RIPK1: variants seen among roughly 807,000 people sequenced by gnomAD.
The protein encoded by RIPK1 is receptor interacting serine/threonine kinase 1, also known as receptor-interacting serine/threonine-protein kinase 1.
RIPK1 carries 27 observed loss-of-function variants against 62.4 expected under a neutral mutation model. The ratio of observed to expected loss-of-function variants is 0.43; its 90% CI spans 0.32 to 0.60. The LOEUF is 0.60. RIPK1 is among the 20% of genes least tolerant of loss of function. The pLI, the probability that RIPK1 is intolerant of heterozygous loss-of-function variation, is 0.07. For missense variants in RIPK1, 735 were observed against 831.0 expected (o/e 0.88, Z 1.42); for synonymous variants, 287 against 303.2 (o/e 0.95, Z 0.55).
At chr6:3,111,298 T>C (rs1761143932) in intron 10 of RIPK1, among the ~76,000 whole-genome samples, 1 of 152,132 alleles carries the variant, frequency 6.6e-6, no homozygotes, top group African/African-American at 2.4e-5. Context: ...CCAGAAGAAA[T>C]AGCTGTGTCA....
Position 3,113,434 on chromosome 6 carries a change from C to A in RIPK1, c.*95C>A. The A allele has an allele frequency of 8.4e-7, 1 of 1,185,678 alleles. No individual in the cohort carries two copies. 73.4% of individuals were successfully genotyped at this position (1,185,678 alleles called of 1,614,324 possible). On this transcript the variant is annotated 3_prime_UTR_variant, in exon 11 of 11. Transcript: ENST00000259808. This position sits in a 1 kb window ranked among gnomAD's most constrained non-coding sequence, Gnocchi z 5.0. ...CAGAGCATTCAGAATTCTGTCCTCACTGATAGGGGTTCTGTGTCTGCAGAA... is the reference window on the plus strand; with the variant it reads ...CAGAGCATTCAGAATTCTGTCCTCAATGATAGGGGTTCTGTGTCTGCAGAA...
rs1354403336 is a variant in RIPK1, at chr6:3,107,246, T to C, written c.1576+1195T>C. On this transcript the variant is annotated intron_variant, in intron 9 of 10. Transcript: ENST00000259808. ...CAGCCTGGGCAACAGAGTGAGATTG[T>C]GTCTCGAAAAAAAAAAAAAAATTCC... Among the ~76,000 whole-genome samples, 4 of 141,194 alleles carry C rather than the reference T, an allele frequency of 2.8e-5. No homozygotes were observed. The Admixed American group carries it at 2.8e-4, about 10-fold the overall frequency. 92.6% of individuals were successfully genotyped at this position (141,194 alleles called of 152,430 possible). A position where few individuals can be genotyped will look rare whatever the true frequency, so the allele number is the denominator to read the frequency against.
intron 6 of RIPK1, among the ~76,000 whole-genome samples, chr6:3,087,836 C>T (rs1331894642): frequency 1.3e-5 from 2 of 152,138 alleles, no homozygotes; most frequent in Admixed American, 6.5e-5. Context: ...CTGTGTCCGG[C>T]CTACCGAGCT....
chr6:3,064,289 C>T (rs12196777), upstream of RIPK1, among the ~76,000 whole-genome samples: 62,233 of 151,988 alleles, frequency 0.41, 15,846 homozygotes, highest in Non-Finnish European at 0.57. Flanking sequence ...GCCGCCCTCC[C>T]CGGCGCCTCC....
intron 8 of RIPK1, among the ~76,000 whole-genome samples, chr6:3,104,832 T>C (rs937911419): frequency 2.0e-5 from 3 of 152,146 alleles, no homozygotes; most frequent in Admixed American, 6.5e-5. Flanking sequence ...AAAGAATTCA[T>C]GGGACATGCT....
chr6:3,087,820 G>A (rs1282694406), intron 6 of RIPK1, among the ~76,000 whole-genome samples: 3 of 152,256 alleles, frequency 2.0e-5, no homozygotes, highest in Non-Finnish European at 4.4e-5. Flanking sequence ...TTACAGGTGT[G>A]AGCCACTGTG....
At chr6:3,111,576 C>G (rs1339773568) in intron 10 of RIPK1, among the ~76,000 whole-genome samples, 1 of 150,230 alleles carries the variant, frequency 6.7e-6, no homozygotes, top group East Asian at 2.0e-4. Context: ...TTTGAGGTCT[C>G]TTGGAACTAC....
At chr6:3,071,602 T>G (rs182494012) in intron 1 of RIPK1, among the ~76,000 whole-genome samples, 5 of 152,324 alleles carry the variant, frequency 3.3e-5, no homozygotes, top group African/African-American at 1.2e-4. Context: ...CTTCCTAAGA[T>G]ATTCAGTGCT....
intron 6 of RIPK1, among the ~76,000 whole-genome samples, chr6:3,087,802 G>A (rs1241504636): frequency 5.1e-5 from 2 of 39,072 alleles, no homozygotes; most frequent in Non-Finnish European, 3.6e-4. Context: ...GCCTCCCAAA[G>A]TGTGGGATTA....
chr6:3,113,267 G>T lies in RIPK1; in HGVS notation c.1944G>T (p.Lys648Asn). The T allele has an allele frequency of 6.2e-7, 1 of 1,614,084 alleles. No homozygotes were observed. The highest frequency in any genetic ancestry group is 8.5e-7 in the Non-Finnish European group (1 of 1,179,998). ...GCATAAAGGGAGCCACGGTGGGGAA[G>T]CTGGCCCAGGCGCTCCACCAGTGTT... is the stretch of plus-strand genomic sequence containing the variant. Reference protein sequence around the residue: ...REGIKGATVGKLAQALHQCSR... With the variant: ...REGIKGATVGNLAQALHQCSR... Residue 648 changes from lysine to asparagine, a missense_variant, in exon 11 of 11, where the codon AAG becomes AAT. Coordinates refer to ENST00000259808, the MANE Select transcript of RIPK1 (RefSeq NM_001354930.2). The surrounding 1 kb of genome is among the most constrained non-coding windows in gnomAD (Gnocchi z 5.0).
chr6:3,070,106 CATT>C (rs1001100612), intron 1 of RIPK1, among the ~76,000 whole-genome samples: 4 of 152,130 alleles, frequency 2.6e-5, no homozygotes, highest in African/African-American at 9.7e-5. Context: ...TGGAGTGTAT[CATT>C]ATTACTGATA....
upstream of RIPK1, among the ~76,000 whole-genome samples, chr6:3,067,454 A>AT (rs1197430600): frequency 2.0e-5 from 3 of 152,036 alleles, no homozygotes. Context: ...GTGTAATAGT[A>AT]TTTGTTTTTT....
chr6:3,069,255 T>TG (rs1002295567), intron 1 of RIPK1, among the ~76,000 whole-genome samples: 1 of 152,328 alleles, frequency 6.6e-6, no homozygotes, highest in South Asian at 2.1e-4. Flanking sequence ...CTTTTACTGT[T>TG]GCGCTTGAGG....
At chr6:3,111,278 C>T (rs888897758) in intron 10 of RIPK1, among the ~76,000 whole-genome samples, 1 of 152,172 alleles carries the variant, frequency 6.6e-6, no homozygotes, top group African/African-American at 2.4e-5. Context: ...ATCAGTATTA[C>T]TTCTCAGACC....
chr6:3,105,486 A>G lies in RIPK1; in HGVS notation c.1011A>G (p.Thr337=). The change falls in exon 9 of 11, where the codon ACA becomes ACG. Residue 337 remains threonine (T), a synonymous_variant. Coordinates refer to ENST00000259808, the MANE Select transcript of RIPK1 (RefSeq NM_001354930.2). This position sits in a 1 kb window ranked among gnomAD's most constrained non-coding sequence, Gnocchi z 4.5. The part of the protein sequence containing the change: ...AVPSSRSNSA[T]EQPGSLHSSQ... ...ATGTTGATCATTTCTTCTCAGCCACAGAACAGCCTGGTTCACTGCACAGTT... is the reference window on the plus strand; with the variant it reads ...ATGTTGATCATTTCTTCTCAGCCACGGAACAGCCTGGTTCACTGCACAGTT... The G allele has an allele frequency of 6.5e-7, 1 of 1,530,698 alleles. No homozygotes were observed. Among genetic ancestry groups the G allele is most frequent in the Non-Finnish European group, 8.8e-7 (1 of 1,141,502 alleles). The allele number at this position is 1,530,698 out of a possible 1,614,324, so 94.8% of individuals were successfully genotyped here.
intron 7 of RIPK1, among the ~76,000 whole-genome samples, chr6:3,095,776 C>G (rs1225423631): frequency 6.6e-6 from 1 of 151,620 alleles, no homozygotes; most frequent in Non-Finnish European, 1.5e-5. Context: ...AAAAGAAATT[C>G]CTTTTCTGAT....
chr6:3,073,312 G>A (rs180977805), intron 1 of RIPK1, among the ~76,000 whole-genome samples: 28 of 151,248 alleles, frequency 1.9e-4, no homozygotes, highest in East Asian at 5.8e-4. Context: ...ATACATGAAC[G>A]TATACTTTTT....
intron 6 of RIPK1, chr6:3,088,667 G>C: frequency 6.6e-6 from 1 of 152,644 alleles, no homozygotes; most frequent in East Asian, 1.9e-4. Context: ...TGGAGCCACA[G>C]GGTTTTTTCT....
At chr6:3,088,508 T>C (rs951804246) in intron 6 of RIPK1, among the ~76,000 whole-genome samples, 4 of 152,230 alleles carry the variant, frequency 2.6e-5, no homozygotes, top group African/African-American at 9.6e-5. Flanking sequence ...GTGGAGGCGC[T>C]CATTATCAGC....
Sources: allele counts gnomAD v4.1 joint callset (sites outside exome capture counted in the v4.1 genomes callset), GRCh38; gene constraint gnomAD v4.1.1; non-coding constraint Gnocchi (gnomAD v3.1); transcripts MANE v1.5; gene names NCBI Gene and HGNC (gene_info 2026-07-23, HGNC 2026-07-21).